MEIS1: variants seen among roughly 807,000 people sequenced by gnomAD.
MEIS1 encodes Meis homeobox 1, also known as homeobox protein Meis1.
In MEIS1, 5 loss-of-function variants were observed where a neutral mutation model predicts 50.8. That is an observed-to-expected ratio of 0.10 (90% CI 0.05 to 0.21). The LOEUF (loss-of-function observed/expected upper bound fraction) is 0.21. MEIS1 is among the 10% of genes least tolerant of loss of function. The pLI is 1.00. For missense variants in MEIS1, 318 were observed against 517.3 expected, an observed-to-expected ratio of 0.61 and a Z score of 3.74; for synonymous variants, 176 against 179.3, an observed-to-expected ratio of 0.98 and a Z score of 0.15.
At chr2:66,501,554 T>G (rs1673557766) in intron 7 of MEIS1, among the ~76,000 whole-genome samples, 1 of 152,068 alleles carries the variant, frequency 6.6e-6, no homozygotes, top group Non-Finnish European at 1.5e-5. Flanking sequence ...GGCAACCAAT[T>G]TGCTGTTGTT....
chr2:66,556,658 G>C (rs1394607040), intron 9 of MEIS1, among the ~76,000 whole-genome samples: 1 of 152,114 alleles, frequency 6.6e-6, no homozygotes, highest in Non-Finnish European at 1.5e-5. Flanking sequence ...TCTGGTTGAA[G>C]GGTTTTGTTG....
In MEIS1 at chr2:66,572,454, A is replaced by G. The variant is rs1304038561; in HGVS notation, c.*1246A>G. ...ATTTTGTGCAAAAAGGACTGGAAAAATGAACTGTATTATTGCAATTTTTTT... is the reference window on the plus strand; with the variant it reads ...ATTTTGTGCAAAAAGGACTGGAAAAGTGAACTGTATTATTGCAATTTTTTT... On this transcript the variant is annotated 3_prime_UTR_variant, in exon 13 of 13. Transcript: ENST00000272369. The G allele has an allele frequency of 1.3e-5, 2 of 152,186 alleles. No individual in the cohort carries two copies. Among genetic ancestry groups the G allele is most frequent in the African/African-American group, 4.8e-5 (2 of 41,452 alleles). 9.4% of individuals were successfully genotyped at this position (152,186 alleles called of 1,614,324 possible).
At chr2:66,484,996 G>T (rs1434855134) in intron 7 of MEIS1, among the ~76,000 whole-genome samples, 1 of 152,000 alleles carries the variant, frequency 6.6e-6, no homozygotes, top group Non-Finnish European at 1.5e-5. Context: ...GATTTTTTTT[G>T]GGGGGAAGTT....
intron 2 of MEIS1, chr2:66,439,412 C>T: frequency 8.0e-7 from 1 of 1,252,830 alleles, no homozygotes; most frequent in East Asian, 3.1e-5. Flanking sequence ...CTTCGCGCGG[C>T]CGCCTAGGAG....
In MEIS1 at chr2:66,512,220, C is replaced by A. The variant is rs751312385; in HGVS notation, c.814C>A (p.Arg272Ser). 6.3e-5 allele frequency: 101 copies of A among 1,612,314 alleles called. No individual in the cohort carries two copies. The highest frequency in any genetic ancestry group is 8.1e-5 in the Non-Finnish European group (96 of 1,179,350). Reference protein sequence around the residue: ...DDDDPDKDKKRHKKRGIFPKV... With the variant: ...DDDDPDKDKKSHKKRGIFPKV... ...TGATGACCCTGATAAGGACAAAAAG[C>A]GTCACAAAAAGCGTGGCATCTTTCC... The change falls in exon 8 of 13, where the codon CGT becomes AGT. Residue 272 changes from arginine (R) to serine (S), a missense_variant. Arg to Ser is a moderately radical substitution (Grantham distance 110). This residue lies in a region of MEIS1 where 40 missense variants were observed against 102.8 expected (regional missense o/e 0.39). Transcript: ENST00000272369.
At chr2:66,438,007 T>C in intron 2 of MEIS1, 44 bp downstream of exon 2, 1 of 1,478,216 alleles carries the variant, frequency 6.8e-7, no homozygotes, top group Non-Finnish European at 9.2e-7. Flanking sequence ...GACTCAACGC[T>C]TCCCTCTTTC....
intron 8 of MEIS1, among the ~76,000 whole-genome samples, chr2:66,544,761 TA>T (rs1674748603): frequency 6.6e-6 from 1 of 152,120 alleles, no homozygotes; most frequent in African/African-American, 2.4e-5. Flanking sequence ...TCCAATTACT[TA>T]AAATCAGATC....
At chr2:66,445,804 TTTTCCTTTCC>T (rs1348904866) in intron 6 of MEIS1, among the ~76,000 whole-genome samples, 2 of 152,176 alleles carry the variant, frequency 1.3e-5, no homozygotes, top group African/African-American at 2.4e-5. Context: ...TAGTCCTTTC[TTTTCCTTTCC>T]TTTCCTTTTT....
At chr2:66,502,950 T>C (rs1423998084) in intron 7 of MEIS1, among the ~76,000 whole-genome samples, 1 of 152,202 alleles carries the variant, frequency 6.6e-6, no homozygotes, top group African/African-American at 2.4e-5. Flanking sequence ...CCTGACAGCA[T>C]CCACAACTGG....
chr2:66,448,317 G>A (rs1252475231), intron 6 of MEIS1, among the ~76,000 whole-genome samples: 1 of 152,134 alleles, frequency 6.6e-6, no homozygotes, highest in African/African-American at 2.4e-5. Flanking sequence ...AAACACAGCT[G>A]TGGCTGGGTG....
Position 66,439,674 on chromosome 2 carries a change from G to C in MEIS1, c.240-169G>C, listed in dbSNP as rs748937164. On this transcript the variant is annotated intron_variant, in intron 2 of 12. Transcript: ENST00000272369. ...CAGGGCTCCAGGAGGAAGGGGAGGT[G>C]AGCGGTCACCTGGGTCTGGGGGAGG... is the stretch of plus-strand genomic sequence containing the variant. 1.9e-6 allele frequency: 3 copies of C among 1,539,738 alleles called. No individual in the cohort carries two copies. The South Asian group carries it at 3.6e-5, about 18-fold the overall frequency.
intron 7 of MEIS1, among the ~76,000 whole-genome samples, chr2:66,477,924 T>C (rs1021979983): frequency 2.0e-5 from 3 of 152,222 alleles, no homozygotes; most frequent in African/African-American, 7.2e-5. Flanking sequence ...TGCCTGCTGA[T>C]ACAACTCTGG....
intron 7 of MEIS1, among the ~76,000 whole-genome samples, chr2:66,478,300 G>T (rs1019499941): frequency 1.1e-4 from 17 of 152,146 alleles, no homozygotes; most frequent in African/African-American, 3.9e-4. Flanking sequence ...TAGGCCCCAA[G>T]AATAGACCTT....
At chr2:66,518,136 G>A (rs535751761) in intron 8 of MEIS1, among the ~76,000 whole-genome samples, 1 of 152,260 alleles carries the variant, frequency 6.6e-6, no homozygotes, top group East Asian at 1.9e-4. Context: ...ATTACAGTCA[G>A]TTGATGCGGA....
At position 66,512,102 on chromosome 2, in the gene MEIS1, G is replaced by A. The variant is rs377739009; in HGVS notation, c.743-47G>A. 12 of 1,498,060 alleles carry A rather than the reference G, an allele frequency of 8.0e-6. 1 individual carries two copies. The African/African-American group carries it at 1.1e-4, about 14-fold the overall frequency. 92.8% of individuals were successfully genotyped at this position (1,498,060 alleles called of 1,614,324 possible). ...TCCAAAGGCATTCTATTTGAATAAA[G>A]CATGTCAAGGTAGCATCAGTCAAAA... On this transcript the variant is annotated intron_variant, in intron 7 of 12. Transcript: ENST00000272369.
chr2:66,483,461 C>T (rs1483677475), intron 7 of MEIS1, among the ~76,000 whole-genome samples: 3 of 152,078 alleles, frequency 2.0e-5, no homozygotes, highest in South Asian at 2.1e-4. Context: ...TATTTTACAA[C>T]GAAGACTGTT....
intron 6 of MEIS1, chr2:66,461,919 G>T (rs557639679): frequency 8.6e-6 from 4 of 465,946 alleles, no homozygotes; most frequent in Non-Finnish European, 1.8e-5. Flanking sequence ...TGGGCTCAGG[G>T]CTCACTGCTG....
chr2:66,550,898 A>T (rs1674902817), intron 9 of MEIS1, among the ~76,000 whole-genome samples: 1 of 152,190 alleles, frequency 6.6e-6, no homozygotes, highest in Admixed American at 6.5e-5. Context: ...TGTCATCATT[A>T]GTATTTCTGT....
At chr2:66,463,250 T>G (rs1030605318) in intron 6 of MEIS1, among the ~76,000 whole-genome samples, 3 of 151,714 alleles carry the variant, frequency 2.0e-5, no homozygotes, top group Non-Finnish European at 4.4e-5. Context: ...AAATATCACT[T>G]CCTAGTGAAG....
Sources: allele counts gnomAD v4.1 joint callset (sites outside exome capture counted in the v4.1 genomes callset), GRCh38; gene constraint gnomAD v4.1.1; regional missense constraint gnomAD v4.1.1; transcripts MANE v1.5; gene names NCBI Gene and HGNC (gene_info 2026-07-23, HGNC 2026-07-21).